Variants in TBC1D9 observed in about 807,000 individuals in gnomAD.
TBC1D9 encodes TBC1 domain family member 9A.
In TBC1D9, 63 loss-of-function variants were observed where a neutral mutation model predicts 132.0. The ratio of observed to expected loss-of-function variants is 0.48; its 90% confidence interval spans 0.39 to 0.59. TBC1D9 has a LOEUF of 0.59. Ranked by LOEUF, TBC1D9 falls within the 20% of genes least tolerant of loss-of-function variation. The probability of loss-of-function intolerance (pLI) is 0.00; values close to 1 mark genes in which losing one functional copy is unlikely to be tolerated. For synonymous variants in TBC1D9, 610 were observed against 609.9 expected (o/e 1.00, Z 0.00); for missense variants, 1,261 against 1,592.7 (o/e 0.79, Z 3.54).
Position 140,756,074 on chromosome 4 carries a change from A to C in TBC1D9, c.-29T>G. ...CCTGGCTGCCGCGGGCGGGCGCACA[A>C]TGGGCCCGTGGGTCCAGTCCTGCAC... On this transcript the variant is annotated 5_prime_UTR_variant, in exon 1 of 21. Coordinates refer to ENST00000442267, the MANE Select transcript of TBC1D9 (RefSeq NM_015130.3). This position sits in a 1 kb window ranked among gnomAD's most constrained non-coding sequence, Gnocchi z 5.6. 1.3e-6 allele frequency: 2 copies of C among 1,592,524 alleles called. No homozygotes were observed. Among genetic ancestry groups the C allele is most frequent in the Admixed American group, 1.7e-5 (1 of 59,158 alleles).
At chr4:140,655,830 A>T (rs1158574052) in intron 13 of TBC1D9, among the ~76,000 whole-genome samples, 1 of 152,140 alleles carries the variant, frequency 6.6e-6, no homozygotes, top group African/African-American at 2.4e-5. Flanking sequence ...AGGCTATACT[A>T]AGTGTCTCAG....
At chr4:140,644,550 T>TGCCCCCGGAAG in intron 13 of TBC1D9, 1 of 310,380 alleles carries the variant, frequency 3.2e-6, no homozygotes, top group Non-Finnish European at 6.2e-6. Flanking sequence ...AGGCCAGCCT[T>TGCCCCCGGAAG]GCCCCCGGCC....
At position 140,753,616 on chromosome 4, in the gene TBC1D9, A is replaced by C. The variant is rs973731258; in HGVS notation, c.130+2300T>G. 2.0e-5 allele frequency among the ~76,000 whole-genome samples: 3 copies of C among 152,168 alleles called. No homozygotes were observed. In the South Asian group the frequency reaches 6.2e-4, roughly 32 times the overall value. ...TCTGGTTTGCCTTACACCAGTTCAAATAACCATGCCTCTATTTTTCGAAGT... is the reference window on the plus strand; with the variant it reads ...TCTGGTTTGCCTTACACCAGTTCAACTAACCATGCCTCTATTTTTCGAAGT... On this transcript the variant is annotated intron_variant, in intron 1 of 20. Coordinates refer to ENST00000442267, the MANE Select transcript of TBC1D9 (RefSeq NM_015130.3).
chr4:140,671,900 T>A (rs1737544420), intron 6 of TBC1D9, among the ~76,000 whole-genome samples: 1 of 152,190 alleles, frequency 6.6e-6, no homozygotes, highest in Admixed American at 6.5e-5. Context: ...GCTCTGACAA[T>A]ATACTTAAAG....
intron 13 of TBC1D9, among the ~76,000 whole-genome samples, chr4:140,647,658 C>T (rs12108355): frequency 0.36 from 55,242 of 152,028 alleles, 10,189 homozygotes; most frequent in East Asian, 0.43. Flanking sequence ...ACAAGCCTGA[C>T]ATTCAAAGAG....
chr4:140,744,127 G>T (rs1449141405), intron 1 of TBC1D9, among the ~76,000 whole-genome samples: 1 of 152,030 alleles, frequency 6.6e-6, no homozygotes, highest in African/African-American at 2.4e-5. Context: ...GGATGGAGGT[G>T]GGGGGGATTC....
chr4:140,724,966 C>T (rs921036113), intron 1 of TBC1D9, among the ~76,000 whole-genome samples: 2 of 152,098 alleles, frequency 1.3e-5, no homozygotes, highest in African/African-American at 4.8e-5. Flanking sequence ...TGTGAGCGTG[C>T]AACTTGGTAA....
chr4:140,654,584 C>T (rs1212341247), intron 13 of TBC1D9, among the ~76,000 whole-genome samples: 1 of 152,128 alleles, frequency 6.6e-6, no homozygotes, highest in Non-Finnish European at 1.5e-5. Flanking sequence ...CAATAAAGGT[C>T]TGAGGATTCC....
At chr4:140,641,935 T>G in intron 13 of TBC1D9, 2 of 476,044 alleles carry the variant, frequency 4.2e-6, no homozygotes, top group African/African-American at 2.0e-5. Flanking sequence ...ACAGAAAGTA[T>G]TTTGTGTTTG....
At chr4:140,738,066 A>T (rs1426861574) in intron 1 of TBC1D9, among the ~76,000 whole-genome samples, 1 of 152,224 alleles carries the variant, frequency 6.6e-6, no homozygotes, top group Admixed American at 6.5e-5. Context: ...GGAAAAATAA[A>T]CCAGATATTA....
chr4:140,725,817 G>A (rs941166376), intron 1 of TBC1D9, among the ~76,000 whole-genome samples: 3 of 152,070 alleles, frequency 2.0e-5, no homozygotes, highest in African/African-American at 7.2e-5. Context: ...ATTACATATT[G>A]TAATTTGCTT....
At chr4:140,666,092 T>C (rs913504384) in intron 9 of TBC1D9, among the ~76,000 whole-genome samples, 3 of 152,202 alleles carry the variant, frequency 2.0e-5, no homozygotes, top group South Asian at 2.1e-4. Flanking sequence ...CAGAGTATAG[T>C]ATGTCCATAC....
At chr4:140,686,930 A>T (rs1169088902) in intron 2 of TBC1D9, among the ~76,000 whole-genome samples, 1 of 152,040 alleles carries the variant, frequency 6.6e-6, no homozygotes, top group Non-Finnish European at 1.5e-5. Flanking sequence ...ATGGGCAAAA[A>T]ATTACTCTCA....
At chr4:140,639,480 TGTCC>T in intron 13 of TBC1D9, 52 bp from the exon 14 acceptor site, 1 of 1,282,224 alleles carries the variant, frequency 7.8e-7, no homozygotes, top group Non-Finnish European at 1.1e-6. Flanking sequence ...CAGCACACAA[TGTCC>T]TGTCTGCAGA....
intron 6 of TBC1D9, among the ~76,000 whole-genome samples, chr4:140,671,859 C>T (rs1222105664): frequency 6.6e-6 from 1 of 152,146 alleles, no homozygotes; most frequent in Non-Finnish European, 1.5e-5. Flanking sequence ...AATCTCAAGG[C>T]AAGCACTAGA....
chr4:140,722,101 T>G (rs1263306524), intron 1 of TBC1D9, among the ~76,000 whole-genome samples: 1 of 152,100 alleles, frequency 6.6e-6, no homozygotes, highest in Non-Finnish European at 1.5e-5. Context: ...TTAACTGAAG[T>G]TCAATTCATA....
chr4:140,731,605 T>G lies in TBC1D9; in HGVS notation c.130+24311A>C, dbSNP rs533610303. Among the ~76,000 whole-genome samples the G allele has an allele frequency of 5.9e-5, 9 of 152,074 alleles. No homozygotes were observed. In the South Asian group the frequency reaches 1.9e-3, roughly 32 times the overall value. On this transcript the variant is annotated intron_variant, in intron 1 of 20. Transcript: ENST00000442267. ...GGTAAATGGTTTCCAAGCTGTTGCGTGTCTTATAGAATGAACACCTGGTCT... is the reference window on the plus strand; with the variant it reads ...GGTAAATGGTTTCCAAGCTGTTGCGGGTCTTATAGAATGAACACCTGGTCT...
At position 140,727,239 on chromosome 4, in the gene TBC1D9, C is replaced by T. The variant is rs149182878; in HGVS notation, c.131-25625G>A. Among the ~76,000 whole-genome samples, 13 of 152,228 alleles carry T rather than the reference C, an allele frequency of 8.5e-5. No individual in the cohort carries two copies. The East Asian group carries it at 2.5e-3, about 29-fold the overall frequency. ...AATTTGTTTGAAATGCAGTGATTGC[C>T]CCTATTCACTGCCCCAGTGGAAGAC... is the stretch of plus-strand genomic sequence containing the variant. On this transcript the variant is annotated intron_variant, in intron 1 of 20. Coordinates refer to ENST00000442267, the MANE Select transcript of TBC1D9 (RefSeq NM_015130.3).
chr4:140,661,037 C>A (rs1425231195), intron 10 of TBC1D9, among the ~76,000 whole-genome samples: 5 of 152,134 alleles, frequency 3.3e-5, no homozygotes, highest in South Asian at 2.1e-4. Context: ...GCCTCAGCCT[C>A]CCGAGTAGCT....
Sources: gnomAD v4.1 joint callset for allele counts (sites outside exome capture counted in the v4.1 genomes callset) on GRCh38, gnomAD v4.1.1 for gene constraint, Gnocchi (gnomAD v3.1) non-coding constraint, MANE v1.5 for transcripts, NCBI Gene and HGNC (gene_info 2026-07-23, HGNC 2026-07-21) for gene names.